Variants in ACSL3 observed in about 807,000 individuals in gnomAD.
ACSL3 encodes the protein acyl-CoA synthetase long chain family member 3, also known as fatty acid CoA ligase Acsl3.
ACSL3 carries 34 observed loss-of-function variants against 84.7 expected under a neutral mutation model. That is an observed-to-expected ratio of 0.40 (90% CI 0.31 to 0.53). The LOEUF (loss-of-function observed/expected upper bound fraction) is 0.53. Ranked by LOEUF, ACSL3 falls within the 20% of genes least tolerant of loss-of-function variation. ACSL3 has a pLI of 0.48. For synonymous variants in ACSL3, 315 were observed against 299.4 expected, an observed-to-expected ratio of 1.05 and a Z score of -0.54; for missense variants, 680 against 873.1, an observed-to-expected ratio of 0.78 and a Z score of 2.79.
Position 222,942,901 on chromosome 2 carries a change from T to C in ACSL3, c.*1247T>C, listed in dbSNP as rs1231342802. ...TTATTTGTAATTCAGAAACCTTGCT[T>C]GTGTGATACATAGTCTCTTCATTTA... On this transcript the variant is annotated 3_prime_UTR_variant, in exon 17 of 17. Transcript: ENST00000357430. The C allele has an allele frequency of 3.1e-5, 4 of 129,148 alleles. No homozygotes were observed. Among genetic ancestry groups the C allele is most frequent in the Non-Finnish European group, 5.2e-5 (4 of 77,470 alleles). The allele number at this position is 129,148 out of a possible 1,614,324, so 8.0% of individuals were successfully genotyped here.
At chr2:222,886,969 G>T (rs1234323942) in intron 1 of ACSL3, among the ~76,000 whole-genome samples, 1 of 152,110 alleles carries the variant, frequency 6.6e-6, no homozygotes, top group African/African-American at 2.4e-5. Flanking sequence ...TTCACTCTTA[G>T]TACTGTACCC....
chr2:222,926,312 T>C (rs1368490711), intron 11 of ACSL3, among the ~76,000 whole-genome samples: 2 of 152,206 alleles, frequency 1.3e-5, no homozygotes, highest in Non-Finnish European at 1.5e-5. Flanking sequence ...GAGGACTGGA[T>C]GCCAAGGGAT....
chr2:222,930,538 A>C, intron 13 of ACSL3, 83 bp from the exon 14 acceptor site: 1 of 1,165,978 alleles, frequency 8.6e-7, no homozygotes, highest in Non-Finnish European at 1.2e-6. Flanking sequence ...GATTAAAATA[A>C]GATGACTGTT....
chr2:222,915,699 A>G (rs769292313), intron 4 of ACSL3, among the ~76,000 whole-genome samples: 1 of 152,244 alleles, frequency 6.6e-6, no homozygotes, highest in Non-Finnish European at 1.5e-5. Context: ...GTAAGCATTT[A>G]AGGCTTGAAT....
chr2:222,910,542 A>C (rs1197548239), intron 4 of ACSL3, among the ~76,000 whole-genome samples: 2 of 152,204 alleles, frequency 1.3e-5, no homozygotes, highest in Non-Finnish European at 2.9e-5. Flanking sequence ...GATGTTGCTT[A>C]ACCTCCTCTA....
At chr2:222,925,017 C>A (rs971808145) in intron 11 of ACSL3, among the ~76,000 whole-genome samples, 1 of 118,370 alleles carries the variant, frequency 8.4e-6, no homozygotes, top group Non-Finnish European at 1.7e-5. Flanking sequence ...GGCGACAGAG[C>A]GAGAATCCGT....
In ACSL3 at chr2:222,943,604, G is replaced by A. The variant is rs946361851; in HGVS notation, c.*1950G>A. The A allele has an allele frequency of 2.6e-5, 4 of 153,222 alleles. No homozygotes were observed. The highest frequency in any genetic ancestry group is 9.7e-5 in the African/African-American group (4 of 41,430). The allele number at this position is 153,222 out of a possible 1,614,324, so 9.5% of individuals were successfully genotyped here. A position where few individuals can be genotyped will look rare whatever the true frequency, so the allele number is the denominator to read the frequency against. On this transcript the variant is annotated 3_prime_UTR_variant, in exon 17 of 17. Transcript: ENST00000357430. ...GCAGGCTTAAACTCTATTTAGTTTC[G>A]TTTGTTTTCTCATATGAAGTTTATA...
intron 2 of ACSL3, among the ~76,000 whole-genome samples, chr2:222,894,199 T>TA (rs2106105293): frequency 6.6e-6 from 1 of 152,356 alleles, no homozygotes; most frequent in African/African-American, 2.4e-5. Context: ...TTACTTTACT[T>TA]ACATTTGTTT....
chr2:222,882,635 C>T (rs994922787), intron 1 of ACSL3, among the ~76,000 whole-genome samples: 7 of 152,052 alleles, frequency 4.6e-5, no homozygotes, highest in South Asian at 2.1e-4. Context: ...AGAGCTCAGG[C>T]GGTAATACTT....
Position 222,902,393 on chromosome 2 carries a change from C to T in ACSL3, c.-41+1613C>T, listed in dbSNP as rs571773512. The stretch of plus-strand genomic sequence containing the variant: ...GCTAATGTATGGCAGATCCCTGTAG[C>T]CATAAATTGCATTCTGGGCTTTAAG... On this transcript the variant is annotated intron_variant, in intron 3 of 16. Transcript: ENST00000357430. 5.3e-5 allele frequency among the ~76,000 whole-genome samples: 8 copies of T among 152,270 alleles called. No homozygotes were observed. In the South Asian group the frequency reaches 1.7e-3, roughly 32 times the overall value.
In ACSL3 at chr2:222,928,916, A is replaced by G; in HGVS notation, c.1520A>G (p.Lys507Arg). The G allele has an allele frequency of 6.2e-7, 1 of 1,613,764 alleles. No individual in the cohort carries two copies. The highest frequency in any genetic ancestry group is 8.5e-7 in the Non-Finnish European group (1 of 1,179,776). ...VGAPLVCCEI[K>R]LKNWEEGGYF... ...GCACCATTAGTTTGCTGTGAAATCAAATTAAAAAACTGGGAGGAAGGTAAT... is the reference window on the plus strand; with the variant it reads ...GCACCATTAGTTTGCTGTGAAATCAGATTAAAAAACTGGGAGGAAGGTAAT... The change falls in exon 13 of 17, where the codon AAA becomes AGA. Residue 507 changes from lysine (K) to arginine (R), a missense_variant. Physicochemically the swap from Lys to Arg is conservative, Grantham distance 26. Transcript: ENST00000357430.
intron 1 of ACSL3, among the ~76,000 whole-genome samples, chr2:222,887,052 T>G (rs908405938): frequency 1.3e-5 from 2 of 152,252 alleles, no homozygotes; most frequent in African/African-American, 2.4e-5. Flanking sequence ...TTTATTGCCC[T>G]AAAAGTCCTT....
chr2:222,933,991 C>T (rs1697104338), intron 15 of ACSL3, among the ~76,000 whole-genome samples: 1 of 152,174 alleles, frequency 6.6e-6, no homozygotes, highest in South Asian at 2.1e-4. Flanking sequence ...CCAGAAGCAT[C>T]TTCTTCCTGA....
rs764951469 is a variant in ACSL3 at position 222,908,758 on chromosome 2, A to C, written c.-15A>C. 1 of 1,564,748 alleles carries C rather than the reference A, an allele frequency of 6.4e-7. No homozygotes were observed. The highest frequency in any genetic ancestry group is 2.2e-5 in the Admixed American group (1 of 44,708). On this transcript the variant is annotated 5_prime_UTR_variant, in exon 4 of 17. Transcript: ENST00000357430. ...ATTCTCGCTGAAGTCTGTTAATTCTACTTTTTGAGTACTTATGAATAACCA... is the reference window on the plus strand; with the variant it reads ...ATTCTCGCTGAAGTCTGTTAATTCTCCTTTTTGAGTACTTATGAATAACCA...
At chr2:222,926,303 A>T (rs938431813) in intron 11 of ACSL3, among the ~76,000 whole-genome samples, 29 of 152,334 alleles carry the variant, frequency 1.9e-4, no homozygotes, top group African/African-American at 6.7e-4. Flanking sequence ...TGGTATCCAG[A>T]GGACTGGATG....
At position 222,929,011 on chromosome 2, in the gene ACSL3, C is replaced by A; in HGVS notation, c.1540+75C>A. On this transcript the variant is annotated intron_variant, in intron 13 of 16. Transcript: ENST00000357430. Reference sequence around the variant, plus strand: ...TGAAAATTAGTGCTTCACTTTCTTGCTTTAGAATGTAAACACCCATAAGTG... The same window carrying A: ...TGAAAATTAGTGCTTCACTTTCTTGATTTAGAATGTAAACACCCATAAGTG... 3 of 1,274,230 alleles carry A rather than the reference C, an allele frequency of 2.4e-6. 1 individual carries two copies. The highest frequency in any genetic ancestry group is 2.5e-5 in the South Asian group (2 of 80,132). The allele number at this position is 1,274,230 out of a possible 1,614,324, so 78.9% of individuals were successfully genotyped here. A position where few individuals can be genotyped will look rare whatever the true frequency, so the allele number is the denominator to read the frequency against.
At chr2:222,922,621 T>C in intron 8 of ACSL3, 87 bp from the exon 9 acceptor site, 2 of 1,545,980 alleles carry the variant, frequency 1.3e-6, no homozygotes, top group Non-Finnish European at 8.8e-7. Flanking sequence ...GGCCCTTCCA[T>C]GTGCCTTCAA....
chr2:222,874,185 G>T (rs1332111126), intron 1 of ACSL3, among the ~76,000 whole-genome samples: 1 of 152,002 alleles, frequency 6.6e-6, no homozygotes, highest in South Asian at 2.1e-4. Context: ...ACCACACCCG[G>T]CTCATTTTTT....
intron 5 of ACSL3, chr2:222,917,428 T>G (rs1696614558): frequency 6.6e-6 from 1 of 152,222 alleles, no homozygotes; most frequent in African/African-American, 2.4e-5. Flanking sequence ...CCATTTTTGT[T>G]GTCACAGGTT....
Sources: allele counts gnomAD v4.1 joint callset (sites outside exome capture counted in the v4.1 genomes callset), GRCh38; gene constraint gnomAD v4.1.1; transcripts MANE v1.5; gene names NCBI Gene and HGNC (gene_info 2026-07-23, HGNC 2026-07-21).